Variants in NAV3 observed in about 807,000 individuals in gnomAD.
NAV3 encodes neuron navigator 3, also known as pore membrane and/or filament interacting like protein 1.
In NAV3, 87 loss-of-function variants were observed where a neutral mutation model predicts 244.7. The ratio of observed to expected loss-of-function variants is 0.36; its 90% CI spans 0.30 to 0.42. The LOEUF is 0.42. NAV3 is among the 20% of genes least tolerant of loss of function. The probability of loss-of-function intolerance (pLI) is 1.00; values close to 1 mark genes in which losing one functional copy is unlikely to be tolerated. For missense variants in NAV3, 2,663 were observed against 2,893.3 expected, an observed-to-expected ratio of 0.92 and a Z score of 1.83; for synonymous variants, 1,126 against 1,042.2, an observed-to-expected ratio of 1.08 and a Z score of -1.55.
chr12:78,124,616 G>C (rs1019056017), intron 16 of NAV3, among the ~76,000 whole-genome samples: 2 of 152,038 alleles, frequency 1.3e-5, no homozygotes, highest in African/African-American at 4.8e-5. Flanking sequence ...ACCATGCTGG[G>C]CTAATTTTTG....
At chr12:77,914,956 C>A (rs577341995) in intron 1 of NAV3, among the ~76,000 whole-genome samples, 1 of 151,678 alleles carries the variant, frequency 6.6e-6, no homozygotes, top group Non-Finnish European at 1.5e-5. Context: ...AAGCCAAATG[C>A]AGCTCCATTA....
chr12:77,869,655 T>C (rs1033938478), intron 1 of NAV3, among the ~76,000 whole-genome samples: 13 of 152,214 alleles, frequency 8.5e-5, no homozygotes, highest in African/African-American at 3.1e-4. Flanking sequence ...CATGACTCCT[T>C]GTCCCCACCC....
chr12:77,681,951 ACACATG>A (rs1166719719), intron 2 of NAV3, among the ~76,000 whole-genome samples: 2 of 152,234 alleles, frequency 1.3e-5, no homozygotes, highest in Non-Finnish European at 2.9e-5. Flanking sequence ...CAAGCTATTT[ACACATG>A]CATTATCTTG....
chr12:78,053,218 A>C (rs1009382665), intron 11 of NAV3, among the ~76,000 whole-genome samples: 9 of 149,186 alleles, frequency 6.0e-5, no homozygotes, highest in Admixed American at 1.3e-4. Context: ...TCCGTCTAAA[A>C]ATATATATAT....
intron 1 of NAV3, among the ~76,000 whole-genome samples, chr12:77,868,888 A>G (rs1880506952): frequency 6.6e-6 from 1 of 151,972 alleles, no homozygotes. Flanking sequence ...TGGGCAACAC[A>G]GTGAAACCCC....
intron 2 of NAV3, among the ~76,000 whole-genome samples, chr12:77,605,398 A>T (rs1283997178): frequency 3.3e-5 from 5 of 152,112 alleles, no homozygotes; most frequent in Non-Finnish European, 7.4e-5. Flanking sequence ...CCAATTGGTT[A>T]TCATTATATT....
At chr12:77,874,347 TAG>T (rs1393322315) in intron 1 of NAV3, among the ~76,000 whole-genome samples, 2 of 152,014 alleles carry the variant, frequency 1.3e-5, no homozygotes, top group African/African-American at 4.8e-5. Flanking sequence ...GCCTCCCAAG[TAG>T]CCAGGACTAT....
At chr12:78,109,577 C>G (rs1954981884) in intron 12 of NAV3, among the ~76,000 whole-genome samples, 1 of 151,836 alleles carries the variant, frequency 6.6e-6, no homozygotes, top group Admixed American at 6.6e-5. Context: ...AATCCAACAG[C>G]ACATCAAAAA....
chr12:78,089,343 T>A (rs966350658), intron 12 of NAV3, among the ~76,000 whole-genome samples: 28 of 152,246 alleles, frequency 1.8e-4, no homozygotes, highest in African/African-American at 5.5e-4. Flanking sequence ...AGCATTCAGA[T>A]GACCATTTTA....
chr12:78,121,615 A>G (rs1047752000), intron 15 of NAV3, among the ~76,000 whole-genome samples: 2 of 148,146 alleles, frequency 1.4e-5, no homozygotes, highest in African/African-American at 2.5e-5. Context: ...CAGCAAGTAT[A>G]TGGTCAAACT....
intron 2 of NAV3, among the ~76,000 whole-genome samples, chr12:77,694,231 C>A (rs987803169): frequency 2.0e-5 from 3 of 151,804 alleles, no homozygotes; most frequent in African/African-American, 7.3e-5. Context: ...CTTTGGGAGG[C>A]CGAGGTGGGT....
chr12:77,680,572 A>G (rs1022064368), intron 2 of NAV3, among the ~76,000 whole-genome samples: 1 of 152,208 alleles, frequency 6.6e-6, no homozygotes, highest in Non-Finnish European at 1.5e-5. Context: ...TAGCATTCAC[A>G]ATAAGAAAGA....
intron 2 of NAV3, among the ~76,000 whole-genome samples, chr12:77,816,063 G>A (rs1340093797): frequency 6.6e-6 from 1 of 152,110 alleles, no homozygotes; most frequent in East Asian, 1.9e-4. Context: ...GCAGGAAGAA[G>A]CCTGATGGGA....
intron 2 of NAV3, among the ~76,000 whole-genome samples, chr12:77,630,019 A>G (rs535122290): frequency 6.6e-6 from 1 of 152,362 alleles, no homozygotes; most frequent in South Asian, 2.1e-4. Flanking sequence ...CAATTGTTAC[A>G]GAGTAGTTTT....
intron 18 of NAV3, among the ~76,000 whole-genome samples, chr12:78,129,960 C>T (rs1956090804): frequency 6.6e-6 from 1 of 152,132 alleles, no homozygotes; most frequent in Non-Finnish European, 1.5e-5. Flanking sequence ...ATTTTCTAAA[C>T]TTCAAGTTAA....
chr12:78,184,063 A>T lies in NAV3; in HGVS notation c.5693-1538A>T, dbSNP rs56887730. Among the ~76,000 whole-genome samples the T allele has an allele frequency of 3.3e-3, 500 of 151,946 alleles. 2 individuals are homozygous for T. The highest frequency in any genetic ancestry group is 0.012 in the African/African-American group (486 of 41,516). ...GGAAGCCTTCCAGGATGACCTATCT[A>T]TCTAGAGCAGGCTCCCTTCAGTTAC... On this transcript the variant is annotated intron_variant, in intron 30 of 39. Coordinates refer to ENST00000397909, the MANE Select transcript of NAV3 (RefSeq NM_001024383.2).
At chr12:77,796,846 T>TG (rs1438089360) in intron 2 of NAV3, among the ~76,000 whole-genome samples, 6 of 55,650 alleles carry the variant, frequency 1.1e-4, no homozygotes, top group Admixed American at 7.4e-4. Context: ...TTAATTAAGG[T>TG]TTTTTTTTTT....
At chr12:77,678,429 G>T (rs541843143) in intron 2 of NAV3, among the ~76,000 whole-genome samples, 1 of 152,120 alleles carries the variant, frequency 6.6e-6, no homozygotes, top group Non-Finnish European at 1.5e-5. Context: ...GCAGGCATCT[G>T]ATTCCAAAAA....
intron 2 of NAV3, among the ~76,000 whole-genome samples, chr12:77,602,829 C>T (rs1214868172): frequency 6.6e-6 from 1 of 152,014 alleles, no homozygotes; most frequent in Non-Finnish European, 1.5e-5. Context: ...TCACAATAAC[C>T]TTCAAATATA....
Sources: allele counts gnomAD v4.1 joint callset (sites outside exome capture counted in the v4.1 genomes callset), GRCh38; gene constraint gnomAD v4.1.1; transcripts MANE v1.5; gene names NCBI Gene and HGNC (gene_info 2026-07-23, HGNC 2026-07-21).